Variants in LMO2 observed in about 807,000 individuals in gnomAD.
LMO2 encodes rhombotin-2.
In LMO2, 20 loss-of-function variants were observed where a neutral mutation model predicts 23.2. The ratio of observed to expected loss-of-function variants is 0.86; its 90% CI spans 0.61 to 1.25. LMO2 has a LOEUF of 1.25. Ranked by LOEUF, LMO2 falls within the 50% of genes most tolerant of loss-of-function variation. The probability of loss-of-function intolerance (pLI) is 0.00; values close to 1 mark genes in which losing one functional copy is unlikely to be tolerated. For missense variants in LMO2, 270 were observed against 315.3 expected (o/e 0.86, Z 1.09); for synonymous variants, 123 against 130.2 (o/e 0.94, Z 0.38).
intron 4 of LMO2, among the ~76,000 whole-genome samples, chr11:33,868,110 C>A (rs1157682709): frequency 1.3e-5 from 2 of 152,160 alleles, no homozygotes; most frequent in African/African-American, 4.8e-5. Context: ...GGTGTCTTAA[C>A]CTTCAAGACT....
intron 1 of LMO2, among the ~76,000 whole-genome samples, 186 bp from the exon 2 acceptor site, chr11:33,882,073 A>G (rs968966012): frequency 1.3e-5 from 2 of 152,174 alleles, no homozygotes; most frequent in African/African-American, 2.4e-5. Flanking sequence ...CGGGTGGGGC[A>G]GGCGGAACTT....
chr11:33,890,657 G>A (rs1170538908), intron 1 of LMO2, among the ~76,000 whole-genome samples: 2 of 152,132 alleles, frequency 1.3e-5, no homozygotes, highest in African/African-American at 2.4e-5. Flanking sequence ...CGGCCTGTAA[G>A]TTTTTTAAAA....
At position 33,859,528 on chromosome 11, in the gene LMO2, C is replaced by T. The variant is rs1401579360; in HGVS notation, c.512G>A (p.Arg171His). ...CACCCGCATTGTCATCTCATAGGCA[C>T]GAATCCGCTTGTCACAGGATGCGCA... ...GLCASCDKRI[R>H]AYEMTMRVKD... The change falls in exon 6 of 6, where the codon CGT becomes CAT. Residue 171 changes from arginine (R) to histidine (H), a missense_variant. Around this residue, in one of 2 missense-constraint regions of LMO2, gnomAD observed 100 missense variants for 153.3 expected, o/e 0.65. Coordinates refer to ENST00000257818, the MANE Select transcript of LMO2 (RefSeq NM_005574.4). The T allele has an allele frequency of 7.4e-6, 12 of 1,613,952 alleles. No homozygotes were observed. Among genetic ancestry groups the T allele is most frequent in the African/African-American group, 2.7e-5 (2 of 74,890 alleles).
intron 2 of LMO2, among the ~76,000 whole-genome samples, chr11:33,877,675 G>C (rs1456184260): frequency 6.6e-6 from 1 of 151,464 alleles, no homozygotes; most frequent in Non-Finnish European, 1.5e-5. Context: ...ATATTGGTCA[G>C]GCTGGTGTTG....
chr11:33,882,920 G>A (rs1027729437), intron 1 of LMO2, among the ~76,000 whole-genome samples: 1 of 152,072 alleles, frequency 6.6e-6, no homozygotes, highest in Admixed American at 6.6e-5. Flanking sequence ...AATTTCCTAC[G>A]TTTGCATGTT....
At chr11:33,886,000 C>G (rs1186979707) in intron 1 of LMO2, among the ~76,000 whole-genome samples, 1 of 152,148 alleles carries the variant, frequency 6.6e-6, no homozygotes, top group Non-Finnish European at 1.5e-5. Flanking sequence ...CTCAGCCTCC[C>G]AAGTAGCTGG....
Position 33,886,346 on chromosome 11 carries a change from G to C in LMO2, c.-335-4459C>G, listed in dbSNP as rs368683097. ...GGGCATCATTTCTATGATAAAAGTA[G>C]TTTGTAGGGGAGGTGGGACTAAACA... On this transcript the variant is annotated intron_variant, in intron 1 of 5. Coordinates refer to ENST00000257818, the MANE Select transcript of LMO2 (RefSeq NM_005574.4). Among the ~76,000 whole-genome samples the C allele has an allele frequency of 3.9e-4, 60 of 152,326 alleles. 1 individual carries two copies. The East Asian group carries it at 6.6e-3, about 17-fold the overall frequency.
chr11:33,862,407 A>G (rs1397735891), intron 5 of LMO2, among the ~76,000 whole-genome samples: 1 of 152,222 alleles, frequency 6.6e-6, no homozygotes, highest in Non-Finnish European at 1.5e-5. Flanking sequence ...CCCAGCACAC[A>G]AGAATTAGTG....
rs373553631 is a variant in LMO2 at position 33,859,309 on chromosome 11, C to T, written c.*47G>A. On this transcript the variant is annotated 3_prime_UTR_variant, in exon 6 of 6. Transcript: ENST00000257818. Reference sequence around the variant, plus strand: ...AGTGAAGACGAAGATGCCATGGAGACGGCGTCTTCAGTGAACACCTCCCCA... The same window carrying T: ...AGTGAAGACGAAGATGCCATGGAGATGGCGTCTTCAGTGAACACCTCCCCA... The T allele has an allele frequency of 4.9e-4, 690 of 1,404,896 alleles. 5 individuals carry two copies. The African/African-American group carries it at 8.4e-3, about 17-fold the overall frequency. The allele number at this position is 1,404,896 out of a possible 1,614,324, so 87.0% of individuals were successfully genotyped here. A position where few individuals can be genotyped will look rare whatever the true frequency, so the allele number is the denominator to read the frequency against.
chr11:33,869,111 G>A (rs1421414676), intron 4 of LMO2, among the ~76,000 whole-genome samples: 1 of 152,222 alleles, frequency 6.6e-6, no homozygotes, highest in Non-Finnish European at 1.5e-5. Context: ...GCCTGGAGTG[G>A]CCCGCAGAGG....
chr11:33,867,031 T>C (rs901042676), intron 4 of LMO2, among the ~76,000 whole-genome samples: 2 of 152,194 alleles, frequency 1.3e-5, no homozygotes, highest in African/African-American at 4.8e-5. Context: ...TGGACGCACA[T>C]TGGATGTCCC....
At chr11:33,881,416 T>TA (rs1222186985) in intron 2 of LMO2, 4 of 456,622 alleles carry the variant, frequency 8.8e-6, no homozygotes, top group Non-Finnish European at 1.8e-5. Context: ...CTAGCCTCTC[T>TA]ATCACTCCAA....
At position 33,869,334 on chromosome 11, in the gene LMO2, G is replaced by T; in HGVS notation, c.248+12C>A. On this transcript the variant is annotated intron_variant, in intron 4 of 5. Transcript: ENST00000257818. ...ACACCGGGGGTGGCAGGGGCAGGGG[G>T]GCCGCACTTACTCTGAAGGGTCCAG... 8.4e-7 allele frequency: 1 copy of T among 1,192,460 alleles called. No homozygotes were observed. 73.9% of individuals were successfully genotyped at this position (1,192,460 alleles called of 1,614,324 possible). A position where few individuals can be genotyped will look rare whatever the true frequency, so the allele number is the denominator to read the frequency against.
intron 5 of LMO2, among the ~76,000 whole-genome samples, chr11:33,862,747 T>C (rs1443223585): frequency 2.0e-5 from 3 of 152,142 alleles, no homozygotes; most frequent in Non-Finnish European, 4.4e-5. Flanking sequence ...AAAAGACAAT[T>C]TTTCTCCTCT....
intron 2 of LMO2, chr11:33,870,412 C>G (rs2133700615): frequency 1.0e-6 from 1 of 985,574 alleles, no homozygotes; most frequent in Admixed American, 6.1e-5. Context: ...CCACGGACGC[C>G]GTGCACTGGG....
At chr11:33,881,051 C>T in intron 2 of LMO2, 3 of 384,522 alleles carry the variant, frequency 7.8e-6, no homozygotes, top group Non-Finnish European at 1.5e-5. Context: ...TATCTGCCCT[C>T]CTGTCTGAGA....
chr11:33,875,222 G>A (rs1278810845), intron 2 of LMO2, among the ~76,000 whole-genome samples: 3 of 152,200 alleles, frequency 2.0e-5, no homozygotes, highest in Non-Finnish European at 4.4e-5. Context: ...GCTTGGAGAG[G>A]AAAGTGGCAC....
At chr11:33,861,396 A>G (rs1856574397) in intron 5 of LMO2, among the ~76,000 whole-genome samples, 1 of 152,168 alleles carries the variant, frequency 6.6e-6, no homozygotes, top group African/African-American at 2.4e-5. Context: ...AGATTAATGG[A>G]ATTGACAAGA....
chr11:33,877,871 C>CAAA (rs3837371), intron 2 of LMO2, among the ~76,000 whole-genome samples: 49 of 150,122 alleles, frequency 3.3e-4, no homozygotes, highest in African/African-American at 1.1e-3. Flanking sequence ...TATCCTTTGG[C>CAAA]AAAAAAAAAC....
Sources: allele counts gnomAD v4.1 joint callset (sites outside exome capture counted in the v4.1 genomes callset), GRCh38; gene constraint gnomAD v4.1.1; regional missense constraint gnomAD v4.1.1; transcripts MANE v1.5; gene names NCBI Gene and HGNC (gene_info 2026-07-23, HGNC 2026-07-21).